Variants in DYNC1LI2 observed in about 807,000 individuals in gnomAD.
DYNC1LI2 encodes cytoplasmic dynein 1 light intermediate chain 2.
DYNC1LI2 carries 19 observed loss-of-function variants against 57.8 expected under a neutral mutation model. The observed-to-expected ratio is 0.33, with a 90% CI of 0.23 to 0.48. DYNC1LI2 has a LOEUF of 0.48. Among genes scored for constraint, DYNC1LI2 ranks in the 20% least tolerant of loss-of-function variants. DYNC1LI2 has a pLI of 0.99. For missense variants in DYNC1LI2, 470 were observed against 604.2 expected (o/e 0.78, Z 2.33); for synonymous variants, 256 against 233.4 (o/e 1.10, Z -0.88).
chr16:66,730,921 T>A (rs892604187), intron 7 of DYNC1LI2: 2 of 152,268 alleles, frequency 1.3e-5, no homozygotes, highest in Admixed American at 1.3e-4. Flanking sequence ...ATACCCTGTA[T>A]GACACACTTT....
chr16:66,747,147 T>C (rs2017951159), intron 3 of DYNC1LI2, among the ~76,000 whole-genome samples: 1 of 151,286 alleles, frequency 6.6e-6, no homozygotes, highest in South Asian at 2.1e-4. Context: ...TGGCACAATC[T>C]CGGTCACCGC....
rs751253445 is a variant in DYNC1LI2, at chr16:66,742,659, C to T, written c.308G>A (p.Arg103His). ...VHDEDRDDHT[R>H]CNVWILDGDL... ...TCCATCCAGAATCCACACGTTGCAG[C>T]GCGTGTGATCTGAGAAAACAAGTGA... is the stretch of plus-strand genomic sequence containing the variant. Residue 103 changes from arginine to histidine, a missense_variant, in exon 4 of 13, where the codon CGC (arginine) becomes CAC (histidine). By Grantham distance (29) the Arg-to-His change is conservative. Coordinates refer to ENST00000258198, the MANE Select transcript of DYNC1LI2 (RefSeq NM_006141.3). The T allele has an allele frequency of 1.1e-5, 18 of 1,614,052 alleles. No homozygotes were observed. The highest frequency in any genetic ancestry group is 8.9e-5 in the East Asian group (4 of 44,880).
At chr16:66,746,983 G>C (rs1167791288) in intron 3 of DYNC1LI2, among the ~76,000 whole-genome samples, 1 of 152,178 alleles carries the variant, frequency 6.6e-6, no homozygotes, top group Non-Finnish European at 1.5e-5. Context: ...CCTCTGGCCA[G>C]GCTCAGCAGC....
chr16:66,741,809 CCAAA>C (rs1426647303), intron 4 of DYNC1LI2, among the ~76,000 whole-genome samples: 1 of 150,406 alleles, frequency 6.6e-6, no homozygotes, highest in South Asian at 2.1e-4. Context: ...AAAAAAAAAC[CCAAA>C]CAAACTTCCT....
Position 66,726,082 on chromosome 16 carries a change from G to A in DYNC1LI2, c.1262-138C>T. The A allele has an allele frequency of 5.0e-6, 4 of 798,114 alleles. No individual in the cohort carries two copies. The South Asian group carries it at 6.9e-5, about 14-fold the overall frequency. The allele number at this position is 798,114 out of a possible 1,614,324, so 49.4% of individuals were successfully genotyped here. ...ATTGATAACATTCATTCGCTACGAT[G>A]CCTTTACACTGCTACTGCTGAGGCT... On this transcript the variant is annotated intron_variant, in intron 11 of 12. Transcript: ENST00000258198.
Position 66,723,756 on chromosome 16 carries a change from A to G in DYNC1LI2, c.1445T>C (p.Met482Thr). 6.2e-7 allele frequency: 1 copy of G among 1,610,860 alleles called. No homozygotes were observed. Among genetic ancestry groups the G allele is most frequent in the Non-Finnish European group, 8.5e-7 (1 of 1,179,304 alleles). The change falls in exon 13 of 13, where the codon ATG becomes ACG. Residue 482 changes from methionine (M) to threonine (T), a missense_variant. Transcript: ENST00000258198. ...ATTTTCTGTTGAAGAGTTTGTTACC[A>G]TAGAGTCTGGCTTTCGAGTCATTCT... is the stretch of plus-strand genomic sequence containing the variant. ...LDRMTRKPDS[M>T]VTNSSTENEA
chr16:66,732,450 G>C lies in DYNC1LI2; in HGVS notation c.818C>G (p.Ser273Ter). 1 of 1,612,972 alleles carries C rather than the reference G, an allele frequency of 6.2e-7. No individual in the cohort carries two copies. The highest frequency in any genetic ancestry group is 8.5e-7 in the Non-Finnish European group (1 of 1,179,908). Reference protein sequence around the residue: ...LQYGAALIYTSVKEEKNLDLL... With the variant: ...LQYGAALIYT Reference sequence around the variant, plus strand: ...GTCGAGGTTTTTCTCTTCTTTCACTGATGTGTAAATCAAGGCAGCTCCATC... The same window carrying C: ...GTCGAGGTTTTTCTCTTCTTTCACTCATGTGTAAATCAAGGCAGCTCCATC... Residue 273 changes from serine (S) to a stop codon, truncating the protein, a stop_gained, in exon 7 of 13, where the codon TCA (serine) becomes TGA (stop). Coordinates refer to ENST00000258198, the MANE Select transcript of DYNC1LI2 (RefSeq NM_006141.3). LOFTEE classifies it high-confidence loss of function.
intron 5 of DYNC1LI2, 45 bp from the exon 6 acceptor site, chr16:66,734,356 C>G (rs1385782252): frequency 1.9e-6 from 3 of 1,576,612 alleles, no homozygotes; most frequent in Non-Finnish European, 1.7e-6. Context: ...TCATTGCCTG[C>G]TGACGATGGG....
intron 3 of DYNC1LI2, among the ~76,000 whole-genome samples, chr16:66,746,695 A>T (rs552009235): frequency 6.6e-6 from 1 of 152,352 alleles, no homozygotes; most frequent in Admixed American, 6.5e-5. Flanking sequence ...CATGTTTTAC[A>T]CTTTCAAAAG....
chr16:66,731,770 G>C (rs549514230), intron 7 of DYNC1LI2: 1 of 152,450 alleles, frequency 6.6e-6, no homozygotes, highest in Admixed American at 6.5e-5. Flanking sequence ...AGTCTTGTCA[G>C]AGACCACAGC....
intron 6 of DYNC1LI2, 38 bp from the exon 7 acceptor site, chr16:66,732,512 G>A (rs750666151): frequency 5.6e-6 from 9 of 1,593,070 alleles, no homozygotes; most frequent in Non-Finnish European, 6.8e-6. Flanking sequence ...TTCACTGCAG[G>A]AGGAGACAAA....
At chr16:66,749,134 A>G in intron 3 of DYNC1LI2, 63 bp downstream of exon 3, 1 of 1,510,126 alleles carries the variant, frequency 6.6e-7, no homozygotes, top group East Asian at 2.3e-5. Flanking sequence ...CAGGAACTGC[A>G]CCCAAGGAAG....
In DYNC1LI2 at chr16:66,723,609, T is replaced by A; in HGVS notation, c.*113A>T. 10 of 813,410 alleles carry A rather than the reference T, an allele frequency of 1.2e-5. No individual in the cohort carries two copies. Among genetic ancestry groups the A allele is most frequent in the African/African-American group, 1.8e-5 (1 of 56,688 alleles). The allele number at this position is 813,410 out of a possible 1,614,324, so 50.4% of individuals were successfully genotyped here. ...GTTTTTTTTTTTTTTTTAAAGTTCATCTCCCCTGCCCCAAAAAACTGATAG... is the reference window on the plus strand; with the variant it reads ...GTTTTTTTTTTTTTTTTAAAGTTCAACTCCCCTGCCCCAAAAAACTGATAG... On this transcript the variant is annotated 3_prime_UTR_variant, in exon 13 of 13. Transcript: ENST00000258198.
At position 66,751,416 on chromosome 16, in the gene DYNC1LI2, C is replaced by T; in HGVS notation, c.107+69G>A. On this transcript the variant is annotated intron_variant, in intron 1 of 12. Transcript: ENST00000258198. The surrounding 1 kb of genome is among the most constrained non-coding windows in gnomAD (Gnocchi z 5.2). ...GATGGCCCGGCTCGCGTCGGCCCCT[C>T]AGTGTGTCCGACGGTCCGGCCCAGA... The T allele has an allele frequency of 6.3e-7, 1 of 1,593,902 alleles. No homozygotes were observed. The highest frequency in any genetic ancestry group is 8.5e-7 in the Non-Finnish European group (1 of 1,172,044).
chr16:66,734,129 C>A, intron 6 of DYNC1LI2, 89 bp downstream of exon 6: 1 of 1,193,456 alleles, frequency 8.4e-7, no homozygotes, highest in Non-Finnish European at 1.2e-6. Flanking sequence ...GAACACTATT[C>A]TGGGTTTGGG....
At chr16:66,731,795 T>A (rs928158155) in intron 7 of DYNC1LI2, 2 of 152,470 alleles carry the variant, frequency 1.3e-5, no homozygotes, top group African/African-American at 4.8e-5. Flanking sequence ...TATTTATGCA[T>A]CCAGCAACAC....
At chr16:66,726,052 A>C in intron 11 of DYNC1LI2, 108 bp from the exon 12 acceptor site, 1 of 1,130,728 alleles carries the variant, frequency 8.8e-7, no homozygotes, top group Admixed American at 2.2e-5. Context: ...TCAGCTTCCT[A>C]GGATATTGAT....
chr16:66,734,359 A>T, intron 5 of DYNC1LI2, 48 bp from the exon 6 acceptor site: 1 of 1,550,878 alleles, frequency 6.4e-7, no homozygotes. Flanking sequence ...TTGCCTGCTG[A>T]CGATGGGAAC....
intron 5 of DYNC1LI2, 104 bp from the exon 6 acceptor site, chr16:66,734,415 C>A: frequency 9.0e-7 from 1 of 1,114,218 alleles, no homozygotes; most frequent in Non-Finnish European, 1.3e-6. Flanking sequence ...AAGAAGAAAG[C>A]CACAGCTCAG....
Sources: gnomAD v4.1 joint callset for allele counts (sites outside exome capture counted in the v4.1 genomes callset) on GRCh38, gnomAD v4.1.1 for gene constraint, Gnocchi (gnomAD v3.1) non-coding constraint, MANE v1.5 for transcripts, NCBI Gene and HGNC (gene_info 2026-07-23, HGNC 2026-07-21) for gene names.